Variants in SLC25A23 observed in about 807,000 individuals in gnomAD.
SLC25A23 encodes the protein mitochondrial adenyl nucleotide antiporter SLC25A23.
SLC25A23 carries 32 observed loss-of-function variants against 53.9 expected under a neutral mutation model. The ratio of observed to expected loss-of-function variants is 0.59; its 90% CI spans 0.45 to 0.80. The LOEUF (loss-of-function observed/expected upper bound fraction) is 0.80, where lower values mean the gene tolerates loss of function less well. Ranked by LOEUF, SLC25A23 falls within the 30% of genes least tolerant of loss-of-function variation. The pLI is 0.00. For missense variants in SLC25A23, 575 were observed against 651.4 expected (o/e 0.88, Z 1.28); for synonymous variants, 275 against 264.5 (o/e 1.04, Z -0.38).
chr19:6,447,706 T>G (rs1396670018), intron 8 of SLC25A23, among the ~76,000 whole-genome samples: 1 of 152,110 alleles, frequency 6.6e-6, no homozygotes, highest in Non-Finnish European at 1.5e-5. Flanking sequence ...AGTCTCGTTC[T>G]GTCGCCCAGG....
At chr19:6,456,160 C>A (rs1249369164) in intron 4 of SLC25A23, 1 of 1,384,130 alleles carries the variant, frequency 7.2e-7, no homozygotes, top group Non-Finnish European at 9.6e-7. Context: ...GTACCCGCAA[C>A]CCCCACACGC....
rs1443361794 is a variant in SLC25A23 at position 6,441,270 on chromosome 19, G to C, written c.*705C>G. The C allele has an allele frequency of 2.6e-5, 4 of 152,722 alleles. No homozygotes were observed. The highest frequency in any genetic ancestry group is 2.9e-5 in the Non-Finnish European group (2 of 68,332). 9.5% of individuals were successfully genotyped at this position (152,722 alleles called of 1,614,324 possible). ...GTGGAGTGAGGGGATCTGGGATCCA[G>C]TGATGGGGGCCCCAGGATCCAGGCA... On this transcript the variant is annotated 3_prime_UTR_variant, in exon 10 of 10. Transcript: ENST00000301454.
At chr19:6,456,602 C>T in intron 3 of SLC25A23, 71 bp from the exon 4 acceptor site, 2 of 1,254,832 alleles carry the variant, frequency 1.6e-6, no homozygotes, top group Non-Finnish European at 2.3e-6. Context: ...GGGTGAAGTT[C>T]TGCTAGGTTT....
intron 7 of SLC25A23, chr19:6,452,717 T>A (rs1599329567): frequency 2.2e-6 from 1 of 458,376 alleles, no homozygotes; most frequent in East Asian, 4.0e-5. Context: ...ATCTTTCTTT[T>A]ATTTTTTGGT....
At chr19:6,436,595 G>C (rs1302891612), downstream of SLC25A23, 6 of 393,390 alleles carry the variant, frequency 1.5e-5, no homozygotes, top group East Asian at 3.6e-4. Context: ...TGTTGCCCAG[G>C]CTGGAGTGCA....
chr19:6,457,008 G>C (rs968155600), intron 3 of SLC25A23, among the ~76,000 whole-genome samples: 11 of 151,946 alleles, frequency 7.2e-5, no homozygotes, highest in Admixed American at 7.2e-4. Context: ...AGGGGGAAAC[G>C]GGCTAAGAGA....
intron 8 of SLC25A23, among the ~76,000 whole-genome samples, chr19:6,448,522 G>A (rs927465317): frequency 6.6e-6 from 1 of 151,514 alleles, no homozygotes; most frequent in African/African-American, 2.4e-5. Flanking sequence ...CCAGGGTGGA[G>A]GGCAGTGGCG....
At position 6,459,203 on chromosome 19, in the gene SLC25A23, C is replaced by T. The variant is rs1486027148; in HGVS notation, c.156+270G>A. ...GTCCCGGGCAGTGGGCAGGAAAGCG[C>T]CCCCATCTCTTCCCAGGCAGACGCC... On this transcript the variant is annotated intron_variant, in intron 1 of 9. Transcript: ENST00000301454. This position sits in a 1 kb window ranked among gnomAD's most constrained non-coding sequence, Gnocchi z 4.6. Among the ~76,000 whole-genome samples the T allele has an allele frequency of 6.6e-6, 1 of 152,130 alleles. No homozygotes were observed. The highest frequency in any genetic ancestry group is 6.5e-5 in the Admixed American group (1 of 15,282).
Position 6,454,346 on chromosome 19 carries a change from T to C in SLC25A23, c.772A>G (p.Ile258Val), listed in dbSNP as rs1447264202. ...ACCTGTTCATAGGCCATGAACTTGATAGCTGACTCGGGGGCAATCTTGAGT... is the reference window on the plus strand; with the variant it reads ...ACCTGTTCATAGGCCATGAACTTGACAGCTGACTCGGGGGCAATCTTGAGT... Reference protein sequence around the residue: ...NVLKIAPESAIKFMAYEQIKR... With the variant: ...NVLKIAPESAVKFMAYEQIKR... Residue 258 changes from isoleucine (I) to valine (V), a missense_variant, in exon 6 of 10, where the codon ATC becomes GTC. Physicochemically the swap from Ile to Val is conservative, Grantham distance 29 (BLOSUM62 3). Coordinates refer to ENST00000301454, the MANE Select transcript of SLC25A23 (RefSeq NM_024103.3). This position sits in a 1 kb window ranked among gnomAD's most constrained non-coding sequence, Gnocchi z 4.3. 3.1e-6 allele frequency: 5 copies of C among 1,614,120 alleles called. No homozygotes were observed. The Admixed American group carries it at 5.0e-5, about 16-fold the overall frequency.
intron 2 of SLC25A23, 144 bp downstream of exon 2, chr19:6,458,054 T>C (rs2092705633): frequency 9.1e-7 from 1 of 1,096,572 alleles, no homozygotes; most frequent in African/African-American, 1.6e-5. Flanking sequence ...GGGTGAGGAG[T>C]GCTCCTGAAA....
chr19:6,447,454 C>A (rs1008141412), intron 8 of SLC25A23, among the ~76,000 whole-genome samples: 10 of 151,946 alleles, frequency 6.6e-5, no homozygotes, highest in African/African-American at 1.5e-4. Flanking sequence ...AGCTGTGCAC[C>A]ACCACACCCG....
downstream of SLC25A23, among the ~76,000 whole-genome samples, chr19:6,437,167 C>G (rs1487054118): frequency 6.6e-6 from 1 of 151,984 alleles, no homozygotes; most frequent in Non-Finnish European, 1.5e-5. Flanking sequence ...GCCATCATGC[C>G]CAGCTAATTG....
In SLC25A23 at chr19:6,442,140, G is replaced by A. The variant is rs756279848; in HGVS notation, c.1242C>T (p.Pro414=). The A allele has an allele frequency of 6.3e-7, 1 of 1,582,238 alleles. No homozygotes were observed. The highest frequency in any genetic ancestry group is 8.6e-7 in the Non-Finnish European group (1 of 1,163,612). The change falls in exon 10 of 10, where the codon CCC becomes CCT. Residue 414 remains proline, a synonymous_variant. Coordinates refer to ENST00000301454, the MANE Select transcript of SLC25A23 (RefSeq NM_024103.3). The part of the protein sequence containing the change: ...MQAQASIEGG[P]QLSMLGLLRH... ...GTAGCAGACCCAGCATGGACAGCTGGGGGCCACCCTCGATGGAGGCTGGGA... is the reference window on the plus strand; with the variant it reads ...GTAGCAGACCCAGCATGGACAGCTGAGGGCCACCCTCGATGGAGGCTGGGA...
intron 1 of SLC25A23, 40 bp from the exon 2 acceptor site, chr19:6,458,364 T>G: frequency 6.2e-7 from 1 of 1,601,560 alleles, no homozygotes; most frequent in East Asian, 2.2e-5. Flanking sequence ...TCCAGGAACC[T>G]GCTCCTGATC....
chr19:6,457,012 T>G (rs2092691192), intron 3 of SLC25A23, among the ~76,000 whole-genome samples: 1 of 151,856 alleles, frequency 6.6e-6, no homozygotes, highest in African/African-American at 2.4e-5. Context: ...GGAAACGGGC[T>G]AAGAGAGGCA....
rs1568382101 is a variant in SLC25A23, at chr19:6,459,502, C to CGCCCAGCCT, written c.118_126dup (p.Arg40_Gly42dup). ...TGGGCGCCGGGGTCTGGGTTGCCCCCGCCCAGCCTGGCCAGCCCCTGGCGC... is the reference window on the plus strand; with the variant it reads ...TGGGCGCCGGGGTCTGGGTTGCCCCCGCCCAGCCTGCCCAGCCTGGCCAGCCCCTGGCGC... On this transcript the variant is annotated inframe_insertion, in exon 1 of 10. Coordinates refer to ENST00000301454, the MANE Select transcript of SLC25A23 (RefSeq NM_024103.3). This position sits in a 1 kb window ranked among gnomAD's most constrained non-coding sequence, Gnocchi z 4.6. 2.5e-6 allele frequency: 4 copies of CGCCCAGCCT among 1,594,458 alleles called. No individual in the cohort carries two copies. Among genetic ancestry groups the CGCCCAGCCT allele is most frequent in the Non-Finnish European group, 3.4e-6 (4 of 1,176,030 alleles).
intron 8 of SLC25A23, among the ~76,000 whole-genome samples, chr19:6,445,859 C>T (rs1291390222): frequency 6.6e-6 from 1 of 151,978 alleles, no homozygotes. Context: ...TGAGACCAGC[C>T]TCGGAAACAT....
Position 6,444,319 on chromosome 19 carries a change from G to GTTT in SLC25A23, c.1072-19_1072-18insAAA. 1.1e-6 allele frequency: 1 copy of GTTT among 876,970 alleles called. No individual in the cohort carries two copies. The allele number at this position is 876,970 out of a possible 1,614,324, so 54.3% of individuals were successfully genotyped here. ...TTCAGAGTCTGGAGTGGAGAAGGGAGTAGGGAGGGTTGGGGTGGGTGACCC... is the reference window on the plus strand; with the variant it reads ...TTCAGAGTCTGGAGTGGAGAAGGGAGTTTTAGGGAGGGTTGGGGTGGGTGACCC... On this transcript the variant is annotated intron_variant, in intron 8 of 9. Coordinates refer to ENST00000301454, the MANE Select transcript of SLC25A23 (RefSeq NM_024103.3).
At chr19:6,445,043 T>TCCCAGG (rs2092482410) in intron 8 of SLC25A23, among the ~76,000 whole-genome samples, 1 of 152,208 alleles carries the variant, frequency 6.6e-6, no homozygotes, top group Non-Finnish European at 1.5e-5. Flanking sequence ...GCTCAAGCGA[T>TCCCAGG]CCTTCCCCCT....
Sources: allele counts gnomAD v4.1 joint callset (sites outside exome capture counted in the v4.1 genomes callset), GRCh38; gene constraint gnomAD v4.1.1; non-coding constraint Gnocchi (gnomAD v3.1); transcripts MANE v1.5; gene names NCBI Gene and HGNC (gene_info 2026-07-23, HGNC 2026-07-21).